FBXO9: variants seen among roughly 807,000 people sequenced by gnomAD.
FBXO9 encodes F-box protein 9.
Under a neutral mutation model 63.7 loss-of-function variants are expected in FBXO9, and 43 were observed. The observed-to-expected ratio is 0.67, with a 90% CI of 0.53 to 0.87. The LOEUF (loss-of-function observed/expected upper bound fraction) is 0.87, where lower values mean the gene tolerates loss of function less well. Among genes scored for constraint, FBXO9 ranks in the 40% least tolerant of loss-of-function variants. The probability of loss-of-function intolerance (pLI) is 0.00; values close to 1 mark genes in which losing one functional copy is unlikely to be tolerated. For synonymous variants in FBXO9, 156 were observed against 171.7 expected (o/e 0.91, Z 0.72); for missense variants, 442 against 533.2 (o/e 0.83, Z 1.68).
At chr6:53,081,796 T>C (rs1359338821) in intron 6 of FBXO9, among the ~76,000 whole-genome samples, 2 of 152,154 alleles carry the variant, frequency 1.3e-5, no homozygotes, top group African/African-American at 4.8e-5. Flanking sequence ...TGTTCGGGCA[T>C]GGTGGCTCAC....
At chr6:53,082,838 G>A (rs573528465) in intron 7 of FBXO9, among the ~76,000 whole-genome samples, 2 of 152,322 alleles carry the variant, frequency 1.3e-5, no homozygotes, top group Admixed American at 6.5e-5. Context: ...TAGGACAGAT[G>A]TAGTAACCCA....
intron 1 of FBXO9, 44 bp downstream of exon 1, chr6:53,065,836 A>T: frequency 7.6e-7 from 1 of 1,310,182 alleles, no homozygotes; most frequent in Non-Finnish European, 9.7e-7. Context: ...GCGGGGCGGG[A>T]GCGTGGTGTG....
chr6:53,078,530 A>C (rs1769197569), intron 4 of FBXO9, among the ~76,000 whole-genome samples: 1 of 152,226 alleles, frequency 6.6e-6, no homozygotes, highest in Non-Finnish European at 1.5e-5. Context: ...CAACTATTTA[A>C]AAATCATGAT....
At chr6:53,082,360 A>G in intron 6 of FBXO9, 144 bp from the exon 7 acceptor site, 1 of 461,822 alleles carries the variant, frequency 2.2e-6, no homozygotes, top group Non-Finnish European at 3.9e-6. Context: ...ATTATTGAGT[A>G]GCTAAATACA....
At chr6:53,092,164 C>T (rs1170522663) in intron 7 of FBXO9, 2 of 344,120 alleles carry the variant, frequency 5.8e-6, no homozygotes, top group East Asian at 1.2e-4. Context: ...TCCCTATTTC[C>T]TCACCACCAT....
chr6:53,078,693 G>A (rs1457068870), intron 4 of FBXO9, 106 bp from the exon 5 acceptor site: 9 of 738,720 alleles, frequency 1.2e-5, no homozygotes, highest in South Asian at 3.5e-5. Context: ...AACAGAATTT[G>A]GCCGTTTGTA....
intron 3 of FBXO9, among the ~76,000 whole-genome samples, chr6:53,075,144 T>C (rs1769052651): frequency 6.6e-6 from 1 of 151,908 alleles, no homozygotes; most frequent in Admixed American, 6.6e-5. Context: ...TTAATTTATT[T>C]ATTTATTTTA....
intron 7 of FBXO9, among the ~76,000 whole-genome samples, chr6:53,083,278 A>G (rs1192694426): frequency 6.6e-6 from 1 of 152,244 alleles, no homozygotes; most frequent in Non-Finnish European, 1.5e-5. Context: ...TGTAGTTTTC[A>G]TAAAATATTT....
intron 7 of FBXO9, among the ~76,000 whole-genome samples, chr6:53,083,124 A>G (rs751788775): frequency 1.3e-5 from 2 of 152,254 alleles, no homozygotes; most frequent in Admixed American, 1.3e-4. Context: ...TCCTTACACG[A>G]CACACAAAAA....
At chr6:53,065,969 C>A in intron 1 of FBXO9, 177 bp downstream of exon 1, 1 of 1,163,312 alleles carries the variant, frequency 8.6e-7, no homozygotes, top group Non-Finnish European at 1.1e-6. Flanking sequence ...CGGGGGGTGC[C>A]AACCCTGGCT....
In FBXO9 at chr6:53,082,530, ATCT is replaced by A. The variant is rs1189270687; in HGVS notation, c.568_570del (p.Phe190del). On this transcript the variant is annotated inframe_deletion, in exon 7 of 13. Transcript: ENST00000323557. ...GCTGCCAATGGAGGTCCTGATGTAC[ATCT>A]TCCGATGGGTGGTGTCTAGTGACTT... is the stretch of plus-strand genomic sequence containing the variant. 6.2e-7 allele frequency: 1 copy of A among 1,613,816 alleles called. No homozygotes were observed. The highest frequency in any genetic ancestry group is 8.5e-7 in the Non-Finnish European group (1 of 1,179,772).
At chr6:53,076,982 G>A (rs1769135166) in intron 4 of FBXO9, among the ~76,000 whole-genome samples, 1 of 151,810 alleles carries the variant, frequency 6.6e-6, no homozygotes, top group Non-Finnish European at 1.5e-5. Context: ...TCATCATGTT[G>A]GTAGGATGAG....
intron 7 of FBXO9, among the ~76,000 whole-genome samples, chr6:53,083,643 G>A (rs746311914): frequency 3.9e-5 from 6 of 152,186 alleles, no homozygotes; most frequent in Non-Finnish European, 5.9e-5. Context: ...AATATTTTTT[G>A]TATAAGGCTG....
chr6:53,089,188 C>T (rs1246150832), intron 7 of FBXO9, among the ~76,000 whole-genome samples: 5 of 152,104 alleles, frequency 3.3e-5, no homozygotes, highest in Non-Finnish European at 1.5e-5. Context: ...CATTCTCCTG[C>T]CTCAGCCTCC....
Position 53,076,482 on chromosome 6 carries a change from A to G in FBXO9, c.250-4A>G. The G allele has an allele frequency of 6.5e-7, 1 of 1,533,748 alleles. No individual in the cohort carries two copies. The highest frequency in any genetic ancestry group is 8.7e-7 in the Non-Finnish European group (1 of 1,149,152). Reference sequence around the variant, plus strand: ...TCAAAAATTTTTACTTTATATTTTTATAGGCTCGAGAACTCTTCCTAAAAG... The same window carrying G: ...TCAAAAATTTTTACTTTATATTTTTGTAGGCTCGAGAACTCTTCCTAAAAG... On this transcript the variant is annotated splice_region_variant and splice_polypyrimidine_tract_variant and intron_variant, in intron 3 of 12. Coordinates refer to ENST00000323557, the MANE Select transcript of FBXO9 (RefSeq NM_033480.3).
intron 2 of FBXO9, 36 bp downstream of exon 2, chr6:53,071,179 C>T (rs774700673): frequency 4.6e-6 from 7 of 1,530,624 alleles, no homozygotes; most frequent in African/African-American, 1.4e-5. Context: ...ATTTTTATTC[C>T]ATTGTTCCCA....
At chr6:53,067,103 A>G (rs1360202737) in intron 1 of FBXO9, among the ~76,000 whole-genome samples, 1 of 152,194 alleles carries the variant, frequency 6.6e-6, no homozygotes, top group Non-Finnish European at 1.5e-5. Context: ...TTGAGTACCT[A>G]TTAGCCTGGC....
intron 4 of FBXO9, among the ~76,000 whole-genome samples, chr6:53,078,374 C>T (rs1198929811): frequency 2.6e-5 from 4 of 152,210 alleles, no homozygotes; most frequent in Non-Finnish European, 4.4e-5. Context: ...GGGAGAATCA[C>T]TTGGACCTGG....
At chr6:53,083,930 A>C (rs1298738560) in intron 7 of FBXO9, among the ~76,000 whole-genome samples, 2 of 152,246 alleles carry the variant, frequency 1.3e-5, no homozygotes, top group African/African-American at 2.4e-5. Flanking sequence ...GAGAATGATT[A>C]GCAACTAGGA....
Sources: allele counts gnomAD v4.1 joint callset (sites outside exome capture counted in the v4.1 genomes callset), GRCh38; gene constraint gnomAD v4.1.1; transcripts MANE v1.5; gene names NCBI Gene and HGNC (gene_info 2026-07-23, HGNC 2026-07-21).